RAB3C: variants seen among roughly 807,000 people sequenced by gnomAD.
The protein encoded by RAB3C is ras-related protein Rab-3C.
RAB3C carries 17 observed loss-of-function variants against 26.4 expected under a neutral mutation model. That is an observed-to-expected ratio of 0.64 (90% CI 0.44 to 0.97). The LOEUF is 0.97. Ranked by LOEUF, RAB3C falls within the 50% of genes least tolerant of loss-of-function variation. The pLI is 0.00. For missense variants in RAB3C, 242 were observed against 281.9 expected (o/e 0.86, Z 1.01); for synonymous variants, 91 against 95.9 (o/e 0.95, Z 0.30).
At chr5:58,693,389 C>T (rs1450372960) in intron 2 of RAB3C, among the ~76,000 whole-genome samples, 4 of 135,150 alleles carry the variant, frequency 3.0e-5, no homozygotes, top group South Asian at 2.2e-4. Flanking sequence ...TGCAATTCAC[C>T]TGGACTGGGA....
At chr5:58,838,692 A>G (rs1490334085) in intron 4 of RAB3C, among the ~76,000 whole-genome samples, 1 of 152,178 alleles carries the variant, frequency 6.6e-6, no homozygotes, top group Non-Finnish European at 1.5e-5. Flanking sequence ...TGTTCTATCA[A>G]TGTCTGTTAG....
intron 2 of RAB3C, among the ~76,000 whole-genome samples, chr5:58,697,872 A>G (rs1748752232): frequency 6.6e-6 from 1 of 152,028 alleles, no homozygotes; most frequent in Non-Finnish European, 1.5e-5. Flanking sequence ...TTGACTCTAT[A>G]CAATTTGCCA....
intron 2 of RAB3C, among the ~76,000 whole-genome samples, chr5:58,623,174 A>G (rs938423433): frequency 1.3e-5 from 2 of 152,248 alleles, no homozygotes; most frequent in African/African-American, 2.4e-5. Context: ...AACACATTCA[A>G]CTAACTTCTT....
chr5:58,699,323 C>G (rs1561293583), intron 2 of RAB3C, among the ~76,000 whole-genome samples: 1 of 152,168 alleles, frequency 6.6e-6, no homozygotes, highest in Non-Finnish European at 1.5e-5. Flanking sequence ...GCTGCCTGAT[C>G]CTTCCTCTGG....
rs72760292 is a variant in RAB3C at position 58,693,861 on chromosome 5, T to G, written c.253-32141T>G. On this transcript the variant is annotated intron_variant, in intron 2 of 4. Coordinates refer to ENST00000282878, the MANE Select transcript of RAB3C (RefSeq NM_138453.4). Reference sequence around the variant, plus strand: ...GCCAGAGTCACAGGCATCTGGGGGCTTTCCTGGATATGCTTGACAACCCAG... The same window carrying G: ...GCCAGAGTCACAGGCATCTGGGGGCGTTCCTGGATATGCTTGACAACCCAG... Among the ~76,000 whole-genome samples the G allele has an allele frequency of 5.7e-3, 872 of 152,306 alleles. 4 individuals are homozygous for G. The highest frequency in any genetic ancestry group is 7.2e-3 in the Non-Finnish European group (491 of 68,022).
rs577630310 is a variant in RAB3C at position 58,837,188 on chromosome 5, C to T, written c.496+12026C>T. Among the ~76,000 whole-genome samples, 597 of 151,768 alleles carry T rather than the reference C, an allele frequency of 3.9e-3. 7 individuals are homozygous for T. Among genetic ancestry groups the T allele is most frequent in the African/African-American group, 0.014 (570 of 41,360 alleles). Reference sequence around the variant, plus strand: ...CACTGGCCATTTTTATGTCTTTTTTCTTTTTTTCTTGAGGCAGAGTCTTAC... The same window carrying T: ...CACTGGCCATTTTTATGTCTTTTTTTTTTTTTTCTTGAGGCAGAGTCTTAC... On this transcript the variant is annotated intron_variant, in intron 4 of 4. Coordinates refer to ENST00000282878, the MANE Select transcript of RAB3C (RefSeq NM_138453.4).
At position 58,635,831 on chromosome 5, in the gene RAB3C, C is replaced by G. The variant is rs186029696; in HGVS notation, c.252+17961C>G. ...AAGGTGCTCAGGAGGGAAGAGTTCA[C>G]TAGATGGTGGACAACGCGTGGTGTT... On this transcript the variant is annotated intron_variant, in intron 2 of 4. Transcript: ENST00000282878. Among the ~76,000 whole-genome samples the G allele has an allele frequency of 1.7e-3, 260 of 152,224 alleles. 7 individuals are homozygous for G. Among genetic ancestry groups the G allele is most frequent in the Non-Finnish European group, 5.7e-4 (39 of 68,028 alleles).
intron 3 of RAB3C, among the ~76,000 whole-genome samples, chr5:58,761,088 C>CACACACAG (rs1349656217): frequency 1.3e-5 from 2 of 151,698 alleles, no homozygotes; most frequent in Non-Finnish European, 2.9e-5. Context: ...CACACACACA[C>CACACACAG]AGCACAAACC....
intron 4 of RAB3C, among the ~76,000 whole-genome samples, chr5:58,835,522 C>G (rs1579945278): frequency 6.6e-6 from 1 of 152,192 alleles, no homozygotes; most frequent in South Asian, 2.1e-4. Context: ...TGTCCCATCT[C>G]GACAGACAAA....
chr5:58,847,881 A>C (rs933922924), intron 4 of RAB3C, among the ~76,000 whole-genome samples: 17 of 152,072 alleles, frequency 1.1e-4, no homozygotes, highest in Non-Finnish European at 2.2e-4. Context: ...TTTGAGATGG[A>C]GTCTCGCTCT....
At chr5:58,764,760 C>G (rs1301512746) in intron 3 of RAB3C, among the ~76,000 whole-genome samples, 1 of 152,120 alleles carries the variant, frequency 6.6e-6, no homozygotes, top group Non-Finnish European at 1.5e-5. Flanking sequence ...GCTATTTTTG[C>G]TTCCACACCT....
chr5:58,847,980 C>T (rs1744040010), intron 4 of RAB3C, among the ~76,000 whole-genome samples: 1 of 152,154 alleles, frequency 6.6e-6, no homozygotes, highest in East Asian at 1.9e-4. Context: ...GCTCAGCCTC[C>T]TGAGTAGCTG....
At chr5:58,766,492 C>T (rs1360302528) in intron 3 of RAB3C, among the ~76,000 whole-genome samples, 3 of 152,134 alleles carry the variant, frequency 2.0e-5, no homozygotes, top group Non-Finnish European at 4.4e-5. Flanking sequence ...TGTATGTCCA[C>T]GACAGAAGTT....
chr5:58,722,418 A>T (rs1223987400), intron 2 of RAB3C, among the ~76,000 whole-genome samples: 1 of 151,810 alleles, frequency 6.6e-6, no homozygotes, highest in African/African-American at 2.4e-5. Context: ...ATGCCAAAAA[A>T]AAAAAAGTGT....
At chr5:58,582,605 A>G (rs967922593), upstream of RAB3C, among the ~76,000 whole-genome samples, 7 of 152,160 alleles carry the variant, frequency 4.6e-5, no homozygotes, top group Non-Finnish European at 1.0e-4. Flanking sequence ...ATGAGATTGT[A>G]AAACTGCCCC....
rs141250656 is a variant in RAB3C at position 58,594,904 on chromosome 5, T to C, written c.24+11672T>C. Among the ~76,000 whole-genome samples the C allele has an allele frequency of 3.2e-3, 480 of 151,748 alleles. 1 individual carries two copies. Among genetic ancestry groups the C allele is most frequent in the African/African-American group, 0.011 (463 of 41,352 alleles). On this transcript the variant is annotated intron_variant, in intron 1 of 4. Transcript: ENST00000282878. Reference sequence around the variant, plus strand: ...AATTTTTAGAGTACCTTACTAGATATTTTTAGGAGAGGTTTTCTTTATACC... The same window carrying C: ...AATTTTTAGAGTACCTTACTAGATACTTTTAGGAGAGGTTTTCTTTATACC...
At chr5:58,764,355 A>T (rs1277052629) in intron 3 of RAB3C, among the ~76,000 whole-genome samples, 1 of 152,222 alleles carries the variant, frequency 6.6e-6, no homozygotes, top group African/African-American at 2.4e-5. Flanking sequence ...TTTAGAAAGC[A>T]GTATGAACAG....
intron 3 of RAB3C, among the ~76,000 whole-genome samples, chr5:58,816,044 T>G (rs1743208549): frequency 6.6e-6 from 1 of 152,132 alleles, no homozygotes; most frequent in South Asian, 2.1e-4. Flanking sequence ...AAACTGGCTC[T>G]TTGAAAAAAG....
chr5:58,705,739 C>T (rs1306223398), intron 2 of RAB3C, among the ~76,000 whole-genome samples: 2 of 152,162 alleles, frequency 1.3e-5, no homozygotes, highest in Non-Finnish European at 2.9e-5. Context: ...CACTTGCACT[C>T]TCTCTCCCTC....
Sources: allele counts gnomAD v4.1 joint callset (sites outside exome capture counted in the v4.1 genomes callset), GRCh38; gene constraint gnomAD v4.1.1; transcripts MANE v1.5; gene names NCBI Gene and HGNC (gene_info 2026-07-23, HGNC 2026-07-21).